Variants in CERKL observed in about 807,000 individuals in gnomAD.
CERKL encodes the protein ceramide kinase-like protein.
Under a neutral mutation model 63.4 loss-of-function variants are expected in CERKL, and 61 were observed. The observed-to-expected ratio is 0.96, with a 90% CI of 0.78 to 1.19. The LOEUF (loss-of-function observed/expected upper bound fraction) is 1.19, where lower values mean the gene tolerates loss of function less well. Ranked by LOEUF, CERKL falls within the 50% of genes most tolerant of loss-of-function variation. The probability of loss-of-function intolerance (pLI) is 0.00; values close to 1 mark genes in which losing one functional copy is unlikely to be tolerated. For missense variants in CERKL, 675 were observed against 655.5 expected (o/e 1.03, Z -0.33); for synonymous variants, 250 against 230.5 (o/e 1.08, Z -0.77).
intron 1 of CERKL, among the ~76,000 whole-genome samples, chr2:181,648,936 G>A (rs1687784311): frequency 6.6e-6 from 1 of 152,034 alleles, no homozygotes; most frequent in Non-Finnish European, 1.5e-5. Context: ...ATAAACAAGA[G>A]ATAGAAGGAA....
chr2:181,593,409 T>C (rs1685067395), intron 2 of CERKL, among the ~76,000 whole-genome samples: 1 of 152,060 alleles, frequency 6.6e-6, no homozygotes, highest in African/African-American at 2.4e-5. Flanking sequence ...AGCTTCAAAA[T>C]AAACATTTGT....
intron 1 of CERKL, among the ~76,000 whole-genome samples, chr2:181,614,181 T>C (rs976308680): frequency 6.6e-6 from 1 of 152,126 alleles, no homozygotes; most frequent in Non-Finnish European, 1.5e-5. Flanking sequence ...GCTTCTGAGG[T>C]TTCTCAGGTT....
chr2:181,594,019 C>G (rs112997638), intron 2 of CERKL, among the ~76,000 whole-genome samples: 13 of 152,160 alleles, frequency 8.5e-5, no homozygotes, highest in African/African-American at 3.1e-4. Context: ...AAAATATTGA[C>G]CACAATAAAA....
rs1043984751 is a variant in CERKL at position 181,538,000 on chromosome 2, G to A, written c.*184C>T. 2.2e-5 allele frequency: 15 copies of A among 680,600 alleles called. No homozygotes were observed. Among genetic ancestry groups the A allele is most frequent in the African/African-American group, 1.8e-4 (10 of 56,322 alleles). The allele number at this position is 680,600 out of a possible 1,614,324, so 42.2% of individuals were successfully genotyped here. ...GGATCTAGAGTGCCATGTTCCTCAA[G>A]AGAATCTAATGCCTGATGATCTGAG... is the stretch of plus-strand genomic sequence containing the variant. On this transcript the variant is annotated 3_prime_UTR_variant, in exon 13 of 13. Coordinates refer to ENST00000410087, the MANE Select transcript of CERKL (RefSeq NM_201548.5).
rs142135094 is a variant in CERKL at position 181,570,997 on chromosome 2, C to T, written c.613+2756G>A. On this transcript the variant is annotated intron_variant, in intron 3 of 12. Transcript: ENST00000410087. ...CTTCCATATACTTTCAAATAAAGTA[C>T]GAATTCGATCTTACTATGACATAAT... 9.6e-3 allele frequency among the ~76,000 whole-genome samples: 1,461 copies of T among 152,120 alleles called. 25 individuals carry two copies. The highest frequency in any genetic ancestry group is 0.033 in the African/African-American group (1,374 of 41,506).
intron 3 of CERKL, among the ~76,000 whole-genome samples, chr2:181,571,335 G>T (rs959803711): frequency 6.6e-5 from 10 of 151,986 alleles, no homozygotes; most frequent in Non-Finnish European, 7.4e-5. Flanking sequence ...ATATTCTATT[G>T]TTTTATGTTT....
In CERKL at chr2:181,603,946, G is replaced by C; in HGVS notation, c.372C>G (p.Ile124Met). The change falls in exon 2 of 13, where the codon ATC becomes ATG. Residue 124 changes from isoleucine (I) to methionine (M), a missense_variant. Physicochemically the swap from Ile to Met is conservative, Grantham distance 10 (BLOSUM62 1). Transcript: ENST00000410087. ...SGTLLGITLF[I>M]CLKKEQNKLK... is the part of the protein sequence containing the mutation. ...GTTTATTTTGTTCCTTTTTCAAGCA[G>C]ATGAAGAGTGTGATACCTAATAAAG... The C allele has an allele frequency of 6.2e-7, 1 of 1,613,244 alleles. No individual in the cohort carries two copies. The highest frequency in any genetic ancestry group is 8.5e-7 in the Non-Finnish European group (1 of 1,179,620).
chr2:181,653,422 G>A (rs567474957), intron 1 of CERKL, among the ~76,000 whole-genome samples: 1 of 152,244 alleles, frequency 6.6e-6, no homozygotes, highest in South Asian at 2.1e-4. Flanking sequence ...GCATCCAAAG[G>A]AAATAAAATG....
intron 1 of CERKL, among the ~76,000 whole-genome samples, chr2:181,625,021 GAGA>G (rs1482362862): frequency 6.6e-6 from 1 of 152,160 alleles, no homozygotes; most frequent in African/African-American, 2.4e-5. Flanking sequence ...CCAGAAACTA[GAGA>G]AGGTCCAACC....
intron 11 of CERKL, 118 bp from the exon 12 acceptor site, chr2:181,539,382 A>G: frequency 2.9e-6 from 2 of 689,784 alleles, no homozygotes; most frequent in South Asian, 3.5e-5. Context: ...ACATTTTAAT[A>G]GCTTTGAGAC....
intron 1 of CERKL, among the ~76,000 whole-genome samples, chr2:181,605,875 T>A (rs1685653768): frequency 6.6e-6 from 1 of 152,038 alleles, no homozygotes. Flanking sequence ...AATGTTATCC[T>A]CCGATTGGAG....
chr2:181,565,278 C>T (rs1053213900), intron 4 of CERKL, among the ~76,000 whole-genome samples: 7 of 152,178 alleles, frequency 4.6e-5, no homozygotes, highest in African/African-American at 7.2e-5. Flanking sequence ...ATAATTCACA[C>T]ACTTGTCAAC....
intron 2 of CERKL, among the ~76,000 whole-genome samples, chr2:181,596,696 GT>G (rs1466597238): frequency 6.6e-6 from 1 of 152,130 alleles, no homozygotes; most frequent in Non-Finnish European, 1.5e-5. Flanking sequence ...GGTTTCTTTG[GT>G]TAAGTGTGGC....
intron 1 of CERKL, among the ~76,000 whole-genome samples, chr2:181,615,068 A>G (rs1192846756): frequency 6.6e-6 from 1 of 152,194 alleles, no homozygotes; most frequent in African/African-American, 2.4e-5. Context: ...GTCCTCTCAC[A>G]TTACTTACAG....
intron 1 of CERKL, among the ~76,000 whole-genome samples, chr2:181,628,933 C>A (rs191234077): frequency 6.6e-6 from 1 of 152,196 alleles, no homozygotes; most frequent in Non-Finnish European, 1.5e-5. Context: ...CTTACCAAAT[C>A]AAGATAAGAA....
intron 1 of CERKL, among the ~76,000 whole-genome samples, chr2:181,641,109 G>A (rs1203367770): frequency 2.0e-5 from 3 of 152,028 alleles, no homozygotes; most frequent in Non-Finnish European, 2.9e-5. Flanking sequence ...TACTATTCTT[G>A]TAGTAAGAAA....
Position 181,640,925 on chromosome 2 carries a change from T to C in CERKL, c.238+15844A>G, listed in dbSNP as rs78930959. Among the ~76,000 whole-genome samples the C allele has an allele frequency of 6.5e-3, 987 of 152,160 alleles. 11 individuals carry two copies. The highest frequency in any genetic ancestry group is 0.023 in the African/African-American group (944 of 41,516). On this transcript the variant is annotated intron_variant, in intron 1 of 12. Coordinates refer to ENST00000410087, the MANE Select transcript of CERKL (RefSeq NM_201548.5). ...CCAGTTCCAGCCCCAGAGGGCCCCA[T>C]CCGGGATGCAGGAAAGAGAGAGAGG...
chr2:181,656,667 G>A, intron 1 of CERKL, 102 bp downstream of exon 1: 1 of 1,037,992 alleles, frequency 9.6e-7, no homozygotes. Context: ...GGGGAGGCGA[G>A]AAAAGGGGAG....
intron 4 of CERKL, among the ~76,000 whole-genome samples, chr2:181,564,490 G>C (rs915617536): frequency 1.1e-4 from 17 of 152,024 alleles, no homozygotes; most frequent in Non-Finnish European, 2.4e-4. Flanking sequence ...AACAACACCT[G>C]CCATGAAAAA....
Sources: allele counts gnomAD v4.1 joint callset (sites outside exome capture counted in the v4.1 genomes callset), GRCh38; gene constraint gnomAD v4.1.1; transcripts MANE v1.5; gene names NCBI Gene and HGNC (gene_info 2026-07-23, HGNC 2026-07-21).